The following MED13 variants were observed in gnomAD, a reference collection of about 807,000 sequenced individuals.
MED13 encodes the protein mediator complex subunit 13.
MED13 carries 23 observed loss-of-function variants against 225.2 expected under a neutral mutation model. The ratio of observed to expected loss-of-function variants is 0.10; its 90% CI spans 0.07 to 0.14. The LOEUF (loss-of-function observed/expected upper bound fraction) is 0.14, where lower values mean the gene tolerates loss of function less well. Ranked by LOEUF, MED13 falls within the 10% of genes least tolerant of loss-of-function variation. The pLI is 1.00. For missense variants in MED13, 2,197 were observed against 2,594.5 expected (o/e 0.85, Z 3.33); for synonymous variants, 942 against 889.2 (o/e 1.06, Z -1.06).
intron 2 of MED13, among the ~76,000 whole-genome samples, chr17:62,054,080 G>A (rs1001179424): frequency 1.3e-5 from 2 of 152,228 alleles, no homozygotes; most frequent in African/African-American, 2.4e-5. Context: ...GCTGAGGTGG[G>A]CGGATCACCT....
chr17:62,011,281 G>T, intron 8 of MED13, 48 bp from the exon 9 acceptor site: 1 of 1,511,626 alleles, frequency 6.6e-7, no homozygotes, highest in Non-Finnish European at 9.0e-7. Flanking sequence ...CACTATTATG[G>T]CGAAGTATAA....
In MED13 at chr17:62,049,943, A is replaced by AAAAAAAAAAG. The variant is rs1199177721; in HGVS notation, c.470+2593_470+2594insCTTTTTTTTT. On this transcript the variant is annotated intron_variant, in intron 3 of 29. Transcript: ENST00000397786. ...AGGCTCTGTCTCCAAAAAAAAAAAA[A>AAAAAAAAAAG]GAATGAAATGAAATGTGTTTCAATA... 7.6e-4 allele frequency among the ~76,000 whole-genome samples: 116 copies of AAAAAAAAAAG among 151,676 alleles called. 1 individual carries two copies. Among genetic ancestry groups the AAAAAAAAAAG allele is most frequent in the African/African-American group, 2.7e-3 (112 of 41,212 alleles).
At chr17:62,056,104 C>T (rs1038208814) in intron 2 of MED13, among the ~76,000 whole-genome samples, 7 of 152,272 alleles carry the variant, frequency 4.6e-5, no homozygotes, top group South Asian at 2.1e-4. Context: ...TATTTTGTTG[C>T]TGAGAAAAAC....
At position 62,043,156 on chromosome 17, in the gene MED13, C is replaced by CAAAAAAAAA; in HGVS notation, c.471-7557_471-7549dup. ...AGGAGACAAAGCAAGACCCTGTCTC[C>CAAAAAAAAA]AAAAAAAAAAAAAAAAAAAAAAAAA... is the stretch of plus-strand genomic sequence containing the variant. On this transcript the variant is annotated intron_variant, in intron 3 of 29. Coordinates refer to ENST00000397786, the MANE Select transcript of MED13 (RefSeq NM_005121.3). 3.3e-3 allele frequency among the ~76,000 whole-genome samples: 103 copies of CAAAAAAAAA among 31,690 alleles called. 1 individual carries two copies. The highest frequency in any genetic ancestry group is 5.4e-3 in the South Asian group (2 of 370). 20.8% of individuals were successfully genotyped at this position (31,690 alleles called of 152,430 possible).
At chr17:61,969,333 A>G (rs535211935) in intron 17 of MED13, among the ~76,000 whole-genome samples, 1 of 151,910 alleles carries the variant, frequency 6.6e-6, no homozygotes, top group African/African-American at 2.4e-5. Flanking sequence ...GCCCAGGCAA[A>G]AAGAGCAAAA....
chr17:62,059,988 G>C (rs564110359), intron 2 of MED13, among the ~76,000 whole-genome samples: 1 of 152,196 alleles, frequency 6.6e-6, no homozygotes, highest in African/African-American at 2.4e-5. Context: ...ACTTCACTTT[G>C]ATAAATTTTT....
At chr17:62,043,458 CAG>C (rs1474685507) in intron 3 of MED13, among the ~76,000 whole-genome samples, 1 of 152,080 alleles carries the variant, frequency 6.6e-6, no homozygotes, top group Non-Finnish European at 1.5e-5. Context: ...CCTAATTTAG[CAG>C]AGAGTTCATA....
chr17:62,019,338 T>C (rs1016272257), intron 8 of MED13, among the ~76,000 whole-genome samples: 1 of 152,232 alleles, frequency 6.6e-6, no homozygotes, highest in African/African-American at 2.4e-5. Context: ...TAATATGCAC[T>C]GAAATTATTG....
chr17:62,049,533 A>C (rs1279188173), intron 3 of MED13, among the ~76,000 whole-genome samples: 1 of 152,170 alleles, frequency 6.6e-6, no homozygotes, highest in Admixed American at 6.5e-5. Context: ...TTTACAAAAA[A>C]AGTGGCAGAG....
At chr17:61,994,973 A>G (rs373959496) in intron 10 of MED13, among the ~76,000 whole-genome samples, 179 bp downstream of exon 10, 1 of 152,332 alleles carries the variant, frequency 6.6e-6, no homozygotes, top group East Asian at 1.9e-4. Flanking sequence ...GGCCTCCCCA[A>G]GTGCTGGTAT....
intron 2 of MED13, among the ~76,000 whole-genome samples, chr17:62,060,769 G>C (rs1252243115): frequency 6.6e-6 from 1 of 150,960 alleles, no homozygotes; most frequent in Non-Finnish European, 1.5e-5. Flanking sequence ...GCAAGATCTC[G>C]GCTCACTGCA....
chr17:62,027,554 TCA>T (rs1471352508), intron 8 of MED13, among the ~76,000 whole-genome samples: 1 of 151,904 alleles, frequency 6.6e-6, no homozygotes, highest in Non-Finnish European at 1.5e-5. Context: ...TCAAAAGCAA[TCA>T]CAACAAAAGC....
chr17:62,049,274 A>G (rs764104651), intron 3 of MED13, among the ~76,000 whole-genome samples: 14 of 152,146 alleles, frequency 9.2e-5, no homozygotes, highest in Non-Finnish European at 1.9e-4. Context: ...AAGATTATAC[A>G]AAGTCCTTGA....
intron 23 of MED13, among the ~76,000 whole-genome samples, chr17:61,957,805 A>G (rs572450341): frequency 3.3e-5 from 5 of 152,212 alleles, no homozygotes; most frequent in Non-Finnish European, 7.3e-5. Context: ...TTTTCTGCAT[A>G]CATGTCCTTC....
At chr17:62,006,094 C>T (rs1261083864) in intron 9 of MED13, 1 of 151,962 alleles carries the variant, frequency 6.6e-6, no homozygotes, top group East Asian at 1.9e-4. Context: ...AGATAAAATA[C>T]AGCAGAAAAA....
chr17:61,953,159 C>T (rs1470701819), intron 26 of MED13, 46 bp from the exon 27 acceptor site: 1 of 1,560,722 alleles, frequency 6.4e-7, no homozygotes. Context: ...TTTTCCATAT[C>T]CTATGGTCAT....
At position 61,943,941 on chromosome 17, in the gene MED13, C is replaced by T. The variant is rs528778109; in HGVS notation, c.*2527G>A. The T allele has an allele frequency of 1.3e-5, 2 of 152,690 alleles. No individual in the cohort carries two copies. Among genetic ancestry groups the T allele is most frequent in the African/African-American group, 4.8e-5 (2 of 41,580 alleles). 9.5% of individuals were successfully genotyped at this position (152,690 alleles called of 1,614,324 possible). On this transcript the variant is annotated 3_prime_UTR_variant, in exon 30 of 30. Transcript: ENST00000397786. ...ATTTTGCTTACCTATTTAAACAAAA[C>T]TACCCATATTTGTCTGTGACAGTAC...
At chr17:61,974,914 A>C (rs1386861660) in intron 16 of MED13, among the ~76,000 whole-genome samples, 1 of 152,234 alleles carries the variant, frequency 6.6e-6, no homozygotes, top group Non-Finnish European at 1.5e-5. Flanking sequence ...GAAAAAATAA[A>C]TTGGACTTCA....
chr17:62,063,111 C>G lies in MED13; in HGVS notation c.257G>C (p.Gly86Ala). The part of the protein sequence containing the change: ...GRRELWIFWW[G>A]EDPSFADLIH... ...AAGGTCAGCAAAACTGGGGTCTTCA[C>G]CCCACCAAAATATCCACAATTCTCT... The change falls in exon 2 of 30, where the codon GGT (glycine) becomes GCT (alanine). Residue 86 changes from glycine to alanine, a missense_variant. Gly to Ala is a moderately conservative substitution (Grantham distance 60). This residue lies in a region of MED13 where 884 missense variants were observed against 918.5 expected (regional missense o/e 0.96). Coordinates refer to ENST00000397786, the MANE Select transcript of MED13 (RefSeq NM_005121.3). The G allele has an allele frequency of 6.2e-7, 1 of 1,614,156 alleles. No homozygotes were observed. The highest frequency in any genetic ancestry group is 8.5e-7 in the Non-Finnish European group (1 of 1,180,010).
Sources: gnomAD v4.1 joint callset for allele counts (sites outside exome capture counted in the v4.1 genomes callset) on GRCh38, gnomAD v4.1.1 for gene constraint, gnomAD v4.1.1 regional missense constraint, MANE v1.5 for transcripts, NCBI Gene and HGNC (gene_info 2026-07-23, HGNC 2026-07-21) for gene names.